The following HR variants were observed in gnomAD, a reference collection of about 807,000 sequenced individuals.
HR encodes the protein HR lysine demethylase and nuclear receptor corepressor, also known as lysine-specific demethylase hairless.
HR carries 83 observed loss-of-function variants against 128.6 expected under a neutral mutation model. The observed-to-expected ratio is 0.65, with a 90% CI of 0.54 to 0.77. The LOEUF (loss-of-function observed/expected upper bound fraction) is 0.77, where lower values mean the gene tolerates loss of function less well. Among genes scored for constraint, HR ranks in the 30% least tolerant of loss-of-function variants. HR has a pLI of 0.00. For synonymous variants in HR, 681 were observed against 658.2 expected, an observed-to-expected ratio of 1.03 and a Z score of -0.53; for missense variants, 1,490 against 1,574.6, an observed-to-expected ratio of 0.95 and a Z score of 0.91.
Position 22,127,231 on chromosome 8 carries a change from G to A in HR, c.1211C>T (p.Pro404Leu), listed in dbSNP as rs368916805. ...PRGCPEVEER[P>L]VARLRALKRA... ...TTTGAGGGCCCGGAGCCGAGCAACC[G>A]GCCTCTCCTCGACCTCAGGGCAGCC... The change falls in exon 3 of 19, where the codon CCG becomes CTG. Residue 404 changes from proline to leucine, a missense_variant. By Grantham distance (98) the Pro-to-Leu change is moderately conservative. Coordinates refer to ENST00000381418, the MANE Select transcript of HR (RefSeq NM_005144.5). 5.0e-6 allele frequency: 8 copies of A among 1,612,946 alleles called. No homozygotes were observed. The highest frequency in any genetic ancestry group is 1.3e-5 in the African/African-American group (1 of 74,944).
chr8:22,125,664 C>A lies in HR; in HGVS notation c.1474G>T (p.Ala492Ser), dbSNP rs375568201. Residue 492 changes from alanine to serine, a missense_variant, in exon 4 of 19, where the codon GCA becomes TCA. Physicochemically the swap from Ala to Ser is moderately conservative, Grantham distance 99 (BLOSUM62 1). This residue lies in a region of HR where 1,060 missense variants were observed against 1,060.9 expected (regional missense o/e 1.00). Coordinates refer to ENST00000381418, the MANE Select transcript of HR (RefSeq NM_005144.5). ...LQDIPCLALP[A>S]KLAQCQSCAQ... is the part of the protein sequence containing the mutation. ...CAACTTTGGCATTGAGCCAGTTTTGCAGGGAGAGCCAGGCATGGTATGTCC... is the reference window on the plus strand; with the variant it reads ...CAACTTTGGCATTGAGCCAGTTTTGAAGGGAGAGCCAGGCATGGTATGTCC... 2.2e-5 allele frequency: 36 copies of A among 1,613,560 alleles called. No individual in the cohort carries two copies. In the African/African-American group the frequency reaches 3.9e-4, roughly 17 times the overall value.
chr8:22,130,029 C>T (rs1563190560), intron 1 of HR, among the ~76,000 whole-genome samples: 1 of 152,206 alleles, frequency 6.6e-6, no homozygotes, highest in Non-Finnish European at 1.5e-5. Flanking sequence ...CCGCCACCGC[C>T]GCTGGAAACT....
intron 14 of HR, 72 bp downstream of exon 14, chr8:22,119,688 G>A (rs1467708169): frequency 1.3e-5 from 20 of 1,519,562 alleles, no homozygotes; most frequent in East Asian, 2.3e-5. Flanking sequence ...TGGCACAGAC[G>A]CTCGTGTGCC....
chr8:22,125,517 C>T lies in HR; in HGVS notation c.1557-13G>A, dbSNP rs113141789. The T allele has an allele frequency of 1.8e-3, 2,925 of 1,613,142 alleles. 35 individuals carry two copies. The highest frequency in any genetic ancestry group is 0.01 in the Middle Eastern group (61 of 6,052). On this transcript the variant is annotated splice_polypyrimidine_tract_variant and intron_variant, in intron 4 of 18. Transcript: ENST00000381418. ...TCCCAGAGGCGATCTGGAGAGAGGG[C>T]AGGGGGAGGTGAGCAGGGAGCCCTG... is the stretch of plus-strand genomic sequence containing the variant.
Position 22,125,274 on chromosome 8 carries a change from A to G in HR, c.1750+37T>C, listed in dbSNP as rs538584599. ...GGGAGGGACACCTGGGGCTCCCCACACAGAGACCCCACGCAGACCCAGGAG... is the reference window on the plus strand; with the variant it reads ...GGGAGGGACACCTGGGGCTCCCCACGCAGAGACCCCACGCAGACCCAGGAG... On this transcript the variant is annotated intron_variant, in intron 5 of 18. Coordinates refer to ENST00000381418, the MANE Select transcript of HR (RefSeq NM_005144.5). 1.5e-4 allele frequency: 239 copies of G among 1,544,002 alleles called. 4 individuals are homozygous for G. The South Asian group carries it at 1.9e-3, about 12-fold the overall frequency.
intron 16 of HR, 75 bp downstream of exon 16, chr8:22,118,875 G>T: frequency 1.6e-6 from 2 of 1,286,552 alleles, no homozygotes; most frequent in Non-Finnish European, 2.2e-6. Flanking sequence ...ACATGGGACC[G>T]CACACTGGGG....
At position 22,125,356 on chromosome 8, in the gene HR, G is replaced by T. The variant is rs775952668; in HGVS notation, c.1705C>A (p.Leu569Met). 1 of 1,604,458 alleles carries T rather than the reference G, an allele frequency of 6.2e-7. No individual in the cohort carries two copies. Among genetic ancestry groups the T allele is most frequent in the East Asian group, 2.2e-5 (1 of 44,536 alleles). ...AGGGCCTCCCGCTCCCTCCGCAGCA[G>T]GCGGCACAGTCGGTCCCCCAAACCA... is the stretch of plus-strand genomic sequence containing the variant. ...LSGLGDRLCR[L>M]LRREREALAW... Residue 569 changes from leucine (L) to methionine (M), a missense_variant, in exon 5 of 19, where the codon CTG becomes ATG. Transcript: ENST00000381418.
At chr8:22,128,352 G>A (rs547024071) in intron 2 of HR, 8 of 668,198 alleles carry the variant, frequency 1.2e-5, no homozygotes, top group East Asian at 1.1e-4. Context: ...GCAATGACCC[G>A]AGGGCAGGGG....
At chr8:22,127,947 T>A in intron 2 of HR, 118 bp from the exon 3 acceptor site, 3 of 1,035,420 alleles carry the variant, frequency 2.9e-6, no homozygotes, top group Non-Finnish European at 4.4e-6. Flanking sequence ...ACATTCTGAT[T>A]AATAAACAGC....
At position 22,123,742 on chromosome 8, in the gene HR, A is replaced by G. The variant is rs751904888; in HGVS notation, c.1822T>C (p.Phe608Leu). 4.4e-6 allele frequency: 7 copies of G among 1,597,982 alleles called. No individual in the cohort carries two copies. Among genetic ancestry groups the G allele is most frequent in the Non-Finnish European group, 6.0e-6 (7 of 1,176,434 alleles). ...CGGGGACATCGCCAGTGGGTGTTGA[A>G]GAGTCCATGGTGGCAACGGCTGCAG... Reference protein sequence around the residue: ...RCCSRCHHGLFNTHWRCPRCS... With the variant: ...RCCSRCHHGLLNTHWRCPRCS... Residue 608 changes from phenylalanine to leucine, a missense_variant, in exon 6 of 19, where the codon TTC becomes CTC. Phe to Leu is a conservative substitution (Grantham distance 22). Around this residue, in one of 3 missense-constraint regions of HR, gnomAD observed 1,060 missense variants for 1,060.9 expected, o/e 1.00. Coordinates refer to ENST00000381418, the MANE Select transcript of HR (RefSeq NM_005144.5).
intron 1 of HR, 146 bp from the exon 2 acceptor site, chr8:22,129,356 G>A: frequency 1.7e-6 from 1 of 599,584 alleles, no homozygotes; most frequent in South Asian, 3.0e-5. Flanking sequence ...GCACCATGCT[G>A]CCTCTCCACA....
chr8:22,123,616 A>AGGGGGGGGCCCCCC, intron 6 of HR, 33 bp downstream of exon 6: 1 of 562,348 alleles, frequency 1.8e-6, no homozygotes, highest in Non-Finnish European at 3.0e-6. Flanking sequence ...TGAGGGCTCC[A>AGGGGGGGGCCCCCC]TCCCGCCCTC....
chr8:22,124,183 G>A (rs1826828395), intron 5 of HR, among the ~76,000 whole-genome samples: 1 of 152,202 alleles, frequency 6.6e-6, no homozygotes, highest in South Asian at 2.1e-4. Context: ...AGCCCTAGGT[G>A]CTACCAGAAG....
intron 6 of HR, 32 bp downstream of exon 6, chr8:22,123,617 T>TGGCC: frequency 3.4e-5 from 10 of 292,090 alleles, no homozygotes; most frequent in South Asian, 1.5e-4. Flanking sequence ...GAGGGCTCCA[T>TGGCC]CCCGCCCTCC....
rs1219957250 is a variant in HR at position 22,116,165 on chromosome 8, G to A, written c.3507+135C>T. 2.5e-6 allele frequency: 3 copies of A among 1,215,080 alleles called. 1 individual carries two copies. Among genetic ancestry groups the A allele is most frequent in the Non-Finnish European group, 3.6e-6 (3 of 845,066 alleles). 75.3% of individuals were successfully genotyped at this position (1,215,080 alleles called of 1,614,324 possible). On this transcript the variant is annotated intron_variant, in intron 18 of 18. Coordinates refer to ENST00000381418, the MANE Select transcript of HR (RefSeq NM_005144.5). The surrounding 1 kb of genome is among the most constrained non-coding windows in gnomAD (Gnocchi z 4.2). ...ACAAAATGAAACAAACTAAACAAAA[G>A]GAATACTCTGCCCCTGCACAGGGTG...
chr8:22,127,293 C>T lies in HR; in HGVS notation c.1149G>A (p.Trp383Ter). 1.9e-6 allele frequency: 3 copies of T among 1,613,368 alleles called. No homozygotes were observed. The highest frequency in any genetic ancestry group is 2.5e-6 in the Non-Finnish European group (3 of 1,180,040). ...CAAACTGCTCCGAGTGCCGTGTGAG[C>T]CATGTCTTCTTCAGCTTGGTGTGGT... ...PSHHTKLKKT[W>*]LTRHSEQFEC... The change falls in exon 3 of 19, where the codon TGG becomes TGA. Residue 383 changes from tryptophan (W) to a stop codon, truncating the protein, a stop_gained. Coordinates refer to ENST00000381418, the MANE Select transcript of HR (RefSeq NM_005144.5). LOFTEE classifies it high-confidence loss of function.
chr8:22,127,666 C>T lies in HR; in HGVS notation c.776G>A (p.Arg259Gln), dbSNP rs768454390. ...HQRDGEMGAG[R>Q]QQNPCPLFLG... ...GAAGAGCGGGCAAGGATTCTGCTGCCGGCCAGCTCCCATCTCTCCATCCCT... is the reference window on the plus strand; with the variant it reads ...GAAGAGCGGGCAAGGATTCTGCTGCTGGCCAGCTCCCATCTCTCCATCCCT... The change falls in exon 3 of 19, where the codon CGG becomes CAG. Residue 259 changes from arginine to glutamine, a missense_variant. By Grantham distance (43) the Arg-to-Gln change is conservative. Transcript: ENST00000381418. 2.4e-5 allele frequency: 39 copies of T among 1,608,860 alleles called. No individual in the cohort carries two copies. The East Asian group carries it at 2.5e-4, about 10-fold the overall frequency.
At chr8:22,122,641 G>A (rs1270466735) in intron 7 of HR, 33 bp from the exon 8 acceptor site, 2 of 1,561,114 alleles carry the variant, frequency 1.3e-6, no homozygotes, top group Non-Finnish European at 1.8e-6. Flanking sequence ...GAGGGAGGTT[G>A]GTGGTGAGTG....
chr8:22,120,067 G>A (rs1826696875), intron 13 of HR, 37 bp downstream of exon 13: 3 of 1,569,902 alleles, frequency 1.9e-6, no homozygotes, highest in Non-Finnish European at 2.6e-6. Flanking sequence ...GCCTGCGGTG[G>A]CGGGGAGGTA....
Sources: gnomAD v4.1 joint callset for allele counts (sites outside exome capture counted in the v4.1 genomes callset) on GRCh38, gnomAD v4.1.1 for gene constraint, gnomAD v4.1.1 regional missense constraint, Gnocchi (gnomAD v3.1) non-coding constraint, MANE v1.5 for transcripts, NCBI Gene and HGNC (gene_info 2026-07-23, HGNC 2026-07-21) for gene names.